The following CLYBL variants were observed in gnomAD, a reference collection of about 807,000 sequenced individuals.
CLYBL encodes citramalyl-CoA lyase.
Under a neutral mutation model 38.9 loss-of-function variants are expected in CLYBL, and 31 were observed. The ratio of observed to expected loss-of-function variants is 0.80; its 90% CI spans 0.60 to 1.08. CLYBL has a LOEUF of 1.08. CLYBL is among the 50% of genes least tolerant of loss of function. The pLI is 0.00. For synonymous variants in CLYBL, 171 were observed against 158.6 expected (o/e 1.08, Z -0.59); for missense variants, 434 against 411.6 (o/e 1.05, Z -0.47).
chr13:99,626,024 T>C (rs1159979513), intron 1 of CLYBL, among the ~76,000 whole-genome samples: 3 of 152,298 alleles, frequency 2.0e-5, no homozygotes, highest in Middle Eastern at 3.4e-3. Context: ...ACCAGTATTG[T>C]GTCTTAGTCT....
At chr13:99,712,241 A>C (rs887452456) in intron 1 of CLYBL, among the ~76,000 whole-genome samples, 7 of 152,112 alleles carry the variant, frequency 4.6e-5, no homozygotes, top group African/African-American at 1.7e-4. Flanking sequence ...ATACTGTGCC[A>C]AGGAAAGCAG....
At chr13:99,642,893 C>T (rs1006606017) in intron 1 of CLYBL, among the ~76,000 whole-genome samples, 1 of 152,146 alleles carries the variant, frequency 6.6e-6, no homozygotes, top group African/African-American at 2.4e-5. Context: ...CAACTAGCTA[C>T]AGCTACAGGC....
chr13:99,803,621 T>G (rs890002600), intron 2 of CLYBL, among the ~76,000 whole-genome samples: 23 of 152,222 alleles, frequency 1.5e-4, no homozygotes, highest in African/African-American at 5.5e-4. Flanking sequence ...CACCTGGGGT[T>G]GATGTGTGGA....
intron 2 of CLYBL, among the ~76,000 whole-genome samples, chr13:99,830,023 C>T (rs1466599996): frequency 6.6e-6 from 1 of 152,164 alleles, no homozygotes; most frequent in Non-Finnish European, 1.5e-5. Context: ...ATGTAGTGAA[C>T]AAGCTCTCGG....
chr13:99,787,280 A>G (rs1404403852), intron 2 of CLYBL, among the ~76,000 whole-genome samples: 3 of 152,166 alleles, frequency 2.0e-5, no homozygotes, highest in Admixed American at 2.0e-4. Context: ...GCCCATGCCT[A>G]TGTCCTGAAT....
intron 1 of CLYBL, among the ~76,000 whole-genome samples, chr13:99,653,724 A>G (rs1008001698): frequency 6.6e-6 from 1 of 151,634 alleles, no homozygotes; most frequent in Non-Finnish European, 1.5e-5. Flanking sequence ...TTTGAGTCTC[A>G]TAATTGTCCA....
At chr13:99,645,370 T>C (rs1594099388) in intron 1 of CLYBL, among the ~76,000 whole-genome samples, 2 of 151,612 alleles carry the variant, frequency 1.3e-5, no homozygotes, top group Admixed American at 6.6e-5. Flanking sequence ...TGGTGGCGGG[T>C]GCCTGTAGTC....
intron 1 of CLYBL, among the ~76,000 whole-genome samples, chr13:99,730,661 C>T (rs1481526148): frequency 6.6e-6 from 1 of 152,096 alleles, no homozygotes; most frequent in Non-Finnish European, 1.5e-5. Context: ...GAGCTGAAGG[C>T]CAGAGGGGAC....
At chr13:99,676,729 C>T (rs953102266) in intron 1 of CLYBL, among the ~76,000 whole-genome samples, 6 of 151,954 alleles carry the variant, frequency 3.9e-5, no homozygotes, top group Admixed American at 2.0e-4. Context: ...GAGTAGCTGG[C>T]ATTACAGGCA....
intron 2 of CLYBL, among the ~76,000 whole-genome samples, chr13:99,823,874 G>T (rs573052624): frequency 6.6e-6 from 1 of 152,132 alleles, no homozygotes; most frequent in Non-Finnish European, 1.5e-5. Flanking sequence ...CCAGTAAATC[G>T]TTCTGGTAGT....
chr13:99,815,545 A>T (rs551960283), intron 2 of CLYBL, among the ~76,000 whole-genome samples: 3 of 152,308 alleles, frequency 2.0e-5, no homozygotes, highest in African/African-American at 7.2e-5. Flanking sequence ...TGATGGCGCC[A>T]CCGCATTCCA....
At chr13:99,653,018 T>C (rs1369657919) in intron 1 of CLYBL, among the ~76,000 whole-genome samples, 1 of 152,012 alleles carries the variant, frequency 6.6e-6, no homozygotes, top group East Asian at 1.9e-4. Context: ...GCTTTGCACG[T>C]GTGTGGTAGC....
intron 1 of CLYBL, among the ~76,000 whole-genome samples, chr13:99,629,634 CT>C (rs1319567648): frequency 6.6e-6 from 1 of 152,172 alleles, no homozygotes; most frequent in Non-Finnish European, 1.5e-5. Flanking sequence ...GCTTGAGAGG[CT>C]TCCCACAGAG....
intron 1 of CLYBL, among the ~76,000 whole-genome samples, chr13:99,771,352 CCTA>C (rs1208788148): frequency 6.6e-6 from 1 of 152,114 alleles, no homozygotes; most frequent in Non-Finnish European, 1.5e-5. Context: ...TGGCCTAAGG[CCTA>C]ATTGGCAGTC....
rs2051372869 is a variant in CLYBL, at chr13:99,853,156, C to T, written c.250-5705C>T. Among the ~76,000 whole-genome samples the T allele has an allele frequency of 3.3e-5, 5 of 151,982 alleles. No homozygotes were observed. In the South Asian group the frequency reaches 1.0e-3, roughly 32 times the overall value. On this transcript the variant is annotated intron_variant, in intron 2 of 8. Transcript: ENST00000339105. ...AAAAATATTTTTAATTGGTTGGAGA[C>T]CTTCAAAACAAATTCTTTTCATAGG...
chr13:99,716,787 C>CTTTTTTTTTTTTTTTTTTTTTT (rs1260332084), intron 1 of CLYBL, among the ~76,000 whole-genome samples: 1 of 100,918 alleles, frequency 9.9e-6, no homozygotes, highest in Non-Finnish European at 2.1e-5. Context: ...CTTTTCTTTT[C>CTTTTTTTTTTTTTTTTTTTTTT]TTTTTTTTTT....
chr13:99,671,458 G>A (rs925154441), intron 1 of CLYBL, among the ~76,000 whole-genome samples: 3 of 152,060 alleles, frequency 2.0e-5, no homozygotes, highest in Admixed American at 6.6e-5. Context: ...AGGCAAGGGA[G>A]AGACTGAAAC....
At chr13:99,880,069 T>TATATATATATATATA (rs376889710) in intron 7 of CLYBL, among the ~76,000 whole-genome samples, 9 of 57,644 alleles carry the variant, frequency 1.6e-4, no homozygotes, top group Non-Finnish European at 2.4e-4. Flanking sequence ...TATATATATA[T>TATATATATATATATA]TTTTTTTTTT....
At chr13:99,897,627 C>G (rs2052597575), downstream of CLYBL, among the ~76,000 whole-genome samples, 1 of 152,172 alleles carries the variant, frequency 6.6e-6, no homozygotes, top group African/African-American at 2.4e-5. Flanking sequence ...TTCTCTCTTT[C>G]ACCGTTGCAT....
Sources: allele counts gnomAD v4.1 joint callset (sites outside exome capture counted in the v4.1 genomes callset), GRCh38; gene constraint gnomAD v4.1.1; transcripts MANE v1.5; gene names NCBI Gene and HGNC (gene_info 2026-07-23, HGNC 2026-07-21).